The following NTM variants were observed in gnomAD, a reference collection of about 807,000 sequenced individuals.
The protein encoded by NTM is neurotrimin.
NTM carries 13 observed loss-of-function variants against 42.1 expected under a neutral mutation model. The ratio of observed to expected loss-of-function variants is 0.31; its 90% CI spans 0.20 to 0.49. The LOEUF is 0.49. NTM is among the 20% of genes least tolerant of loss of function. The pLI is 0.99. For synonymous variants in NTM, 187 were observed against 179.2 expected (o/e 1.04, Z -0.35); for missense variants, 373 against 452.8 (o/e 0.82, Z 1.60).
chr11:131,442,354 A>G (rs1465613330), intron 1 of NTM, among the ~76,000 whole-genome samples: 2 of 150,762 alleles, frequency 1.3e-5, no homozygotes, highest in Non-Finnish European at 3.0e-5. Context: ...TGACAGCAAT[A>G]GCAGCAGCAG....
intron 1 of NTM, among the ~76,000 whole-genome samples, chr11:131,613,676 G>T (rs748955873): frequency 2.4e-4 from 36 of 152,222 alleles, no homozygotes; most frequent in Admixed American, 5.9e-4. Context: ...GGGCGTGTGT[G>T]GTCACCTTTC....
intron 1 of NTM, among the ~76,000 whole-genome samples, chr11:131,641,500 G>C (rs2065124344): frequency 1.3e-5 from 2 of 152,120 alleles, no homozygotes; most frequent in Admixed American, 1.3e-4. Context: ...ATGGATCCCT[G>C]GTCTGGTGAG....
intron 1 of NTM, among the ~76,000 whole-genome samples, chr11:131,869,848 G>C (rs2047593961): frequency 6.6e-6 from 1 of 152,150 alleles, no homozygotes; most frequent in African/African-American, 2.4e-5. Flanking sequence ...TTACTGCTCT[G>C]TGAGCACGGC....
At chr11:131,421,544 C>T (rs1244670821) in intron 1 of NTM, among the ~76,000 whole-genome samples, 2 of 152,200 alleles carry the variant, frequency 1.3e-5, no homozygotes, top group Non-Finnish European at 2.9e-5. Context: ...AATTAGGACT[C>T]ATTTATAGGA....
intron 1 of NTM, among the ~76,000 whole-genome samples, chr11:131,752,384 A>G (rs532547075): frequency 6.6e-6 from 1 of 152,316 alleles, no homozygotes; most frequent in South Asian, 2.1e-4. Context: ...AAAAGTCAGG[A>G]AACAACAGGT....
At chr11:131,908,572 T>C (rs979081344) in intron 1 of NTM, among the ~76,000 whole-genome samples, 5 of 152,198 alleles carry the variant, frequency 3.3e-5, no homozygotes, top group African/African-American at 1.2e-4. Context: ...TTTCCACTTG[T>C]TGTAGTGAGG....
intron 2 of NTM, among the ~76,000 whole-genome samples, chr11:132,074,090 A>G (rs977431261): frequency 2.0e-5 from 3 of 152,130 alleles, no homozygotes; most frequent in East Asian, 1.9e-4. Flanking sequence ...CCCTCAACTA[A>G]TTTTTCAGTA....
intron 2 of NTM, among the ~76,000 whole-genome samples, chr11:131,989,224 C>T (rs2135074134): frequency 6.6e-6 from 1 of 152,238 alleles, no homozygotes; most frequent in East Asian, 1.9e-4. Context: ...CAAAAAGTAG[C>T]TGCTCAAAAA....
chr11:132,323,056 A>T (rs1266491962), intron 7 of NTM, among the ~76,000 whole-genome samples: 2 of 130,890 alleles, frequency 1.5e-5, no homozygotes, highest in African/African-American at 5.9e-5. Flanking sequence ...TTATAGCACT[A>T]AATGCCCACA....
chr11:132,220,932 C>T lies in NTM; in HGVS notation c.526+8785C>T, dbSNP rs549289137. Among the ~76,000 whole-genome samples, 6 of 152,246 alleles carry T rather than the reference C, an allele frequency of 3.9e-5. No homozygotes were observed. The East Asian group carries it at 7.7e-4, about 20-fold the overall frequency. ...AACCAGCACCCATAAGAGTCAGCACCGCCTGGGAGTATGAGAAGGTCCTTA... is the reference window on the plus strand; with the variant it reads ...AACCAGCACCCATAAGAGTCAGCACTGCCTGGGAGTATGAGAAGGTCCTTA... On this transcript the variant is annotated intron_variant, in intron 4 of 8. Coordinates refer to ENST00000683400, the MANE Select transcript of NTM (RefSeq NM_001352005.2).
chr11:131,972,713 C>G (rs982957555), intron 2 of NTM, among the ~76,000 whole-genome samples: 3 of 152,130 alleles, frequency 2.0e-5, no homozygotes, highest in Non-Finnish European at 4.4e-5. Flanking sequence ...TCTTGGTTTC[C>G]ATAAGGCTCT....
intron 1 of NTM, among the ~76,000 whole-genome samples, chr11:131,606,931 T>C (rs2061017222): frequency 6.6e-6 from 1 of 152,204 alleles, no homozygotes; most frequent in Admixed American, 6.5e-5. Context: ...TCATCTCATT[T>C]CTTTTACCAC....
rs11829013 is a variant in NTM, at chr11:131,816,332, C to T, written c.83-95232C>T. Among the ~76,000 whole-genome samples, 1,053 of 152,230 alleles carry T rather than the reference C, an allele frequency of 6.9e-3. 12 individuals are homozygous for T. Among genetic ancestry groups the T allele is most frequent in the African/African-American group, 0.022 (928 of 41,544 alleles). On this transcript the variant is annotated intron_variant, in intron 1 of 8. Transcript: ENST00000683400. ...GAGTACAATGTCCATGCCTTAGTCC[C>T]TTATACTCTCCAAATAACAGTCAAC...
At chr11:132,063,815 C>A (rs71485714) in intron 2 of NTM, among the ~76,000 whole-genome samples, 3,831 of 152,306 alleles carry the variant, frequency 0.025, 70 homozygotes, top group Middle Eastern at 0.11. Flanking sequence ...GTCTCCACTT[C>A]ATCTCCTCTA....
At chr11:131,663,745 C>CCAAGGA (rs1202129883) in intron 1 of NTM, among the ~76,000 whole-genome samples, 12 of 151,772 alleles carry the variant, frequency 7.9e-5, no homozygotes, top group African/African-American at 2.9e-4. Flanking sequence ...CCTTTTTTTT[C>CCAAGGA]TTTTTTAGCT....
intron 3 of NTM, 36 bp from the exon 4 acceptor site, chr11:132,211,986 G>T: frequency 6.3e-7 from 1 of 1,596,878 alleles, no homozygotes; most frequent in South Asian, 1.1e-5. Context: ...AATGTTTCAG[G>T]AGGATTTTTA....
intron 2 of NTM, among the ~76,000 whole-genome samples, chr11:131,933,463 T>C (rs2058859469): frequency 1.3e-5 from 2 of 152,166 alleles, no homozygotes; most frequent in Non-Finnish European, 2.9e-5. Flanking sequence ...AAATAAGACA[T>C]TCATTTATCT....
At chr11:131,828,133 A>G (rs1302857533) in intron 1 of NTM, among the ~76,000 whole-genome samples, 3 of 152,118 alleles carry the variant, frequency 2.0e-5, no homozygotes, top group Admixed American at 6.6e-5. Context: ...ATGAAGAAAA[A>G]AAAAAACAAC....
At chr11:131,657,347 G>A (rs2067337466) in intron 1 of NTM, among the ~76,000 whole-genome samples, 2 of 152,150 alleles carry the variant, frequency 1.3e-5, no homozygotes, top group South Asian at 4.1e-4. Flanking sequence ...TGCCGTGCAG[G>A]AAGGGAGAAA....
Sources: gnomAD v4.1 joint callset for allele counts (sites outside exome capture counted in the v4.1 genomes callset) on GRCh38, gnomAD v4.1.1 for gene constraint, MANE v1.5 for transcripts, NCBI Gene and HGNC (gene_info 2026-07-23, HGNC 2026-07-21) for gene names.